The following FNIP2 variants were observed in gnomAD, a reference collection of about 807,000 sequenced individuals.
The protein encoded by FNIP2 is folliculin-interacting protein 2.
FNIP2 carries 32 observed loss-of-function variants against 108.7 expected under a neutral mutation model. The observed-to-expected ratio is 0.29, with a 90% confidence interval of 0.22 to 0.40. FNIP2 has a LOEUF of 0.40. Ranked by LOEUF, FNIP2 falls within the 10% of genes least tolerant of loss-of-function variation. FNIP2 has a pLI of 1.00. For synonymous variants in FNIP2, 480 were observed against 496.7 expected, an observed-to-expected ratio of 0.97 and a Z score of 0.45; for missense variants, 1,202 against 1,381.6, an observed-to-expected ratio of 0.87 and a Z score of 2.06.
Position 158,870,329 on chromosome 4 carries a change from A to G in FNIP2, c.2809A>G (p.Thr937Ala). 1 of 1,613,814 alleles carries G rather than the reference A, an allele frequency of 6.2e-7. No homozygotes were observed. The highest frequency in any genetic ancestry group is 8.5e-7 in the Non-Finnish European group (1 of 1,179,670). Residue 937 changes from threonine to alanine, a missense_variant, in exon 14 of 17, where the codon ACC becomes GCC. Thr to Ala is a moderately conservative substitution (Grantham distance 58). Coordinates refer to ENST00000264433, the MANE Select transcript of FNIP2 (RefSeq NM_020840.3). Reference protein sequence around the residue: ...LPLPRSQSISTQNVRNFGRSL... With the variant: ...LPLPRSQSISAQNVRNFGRSL... The stretch of plus-strand genomic sequence containing the variant: ...TTGTTTTAGGTCTCAGAGCATCAGC[A>G]CCCAGAATGTAAGGAACTTTGGCCG...
chr4:158,887,362 A>G (rs998782828), intron 14 of FNIP2, among the ~76,000 whole-genome samples: 5 of 152,214 alleles, frequency 3.3e-5, no homozygotes, highest in Non-Finnish European at 5.9e-5. Flanking sequence ...CTATTAAGGT[A>G]TGGCTAGTAA....
At chr4:158,867,558 T>C (rs971953643) in intron 12 of FNIP2, among the ~76,000 whole-genome samples, 1 of 152,246 alleles carries the variant, frequency 6.6e-6, no homozygotes, top group Admixed American at 6.5e-5. Flanking sequence ...GATTTTCTTC[T>C]TGTTAATCAA....
At chr4:158,798,630 A>T (rs1776666055) in intron 1 of FNIP2, among the ~76,000 whole-genome samples, 1 of 152,256 alleles carries the variant, frequency 6.6e-6, no homozygotes, top group South Asian at 2.1e-4. Context: ...CACATGAAAT[A>T]TTTGAAAAGA....
At chr4:158,813,972 A>G (rs1777426766) in intron 1 of FNIP2, among the ~76,000 whole-genome samples, 1 of 152,144 alleles carries the variant, frequency 6.6e-6, no homozygotes, top group Non-Finnish European at 1.5e-5. Context: ...TCTTTTGTCA[A>G]ATATTGATTT....
chr4:158,829,940 T>C (rs1383387657), intron 3 of FNIP2, among the ~76,000 whole-genome samples: 3 of 152,216 alleles, frequency 2.0e-5, no homozygotes, highest in Non-Finnish European at 4.4e-5. Context: ...TCTGGAGAAC[T>C]TTGTTTTTTC....
intron 16 of FNIP2, among the ~76,000 whole-genome samples, chr4:158,897,380 T>C (rs975674192): frequency 6.6e-6 from 1 of 152,236 alleles, no homozygotes; most frequent in Non-Finnish European, 1.5e-5. Context: ...CTGGGTCAGA[T>C]GGTATTTCTA....
chr4:158,863,466 C>G (rs1444988714), intron 12 of FNIP2, among the ~76,000 whole-genome samples: 4 of 152,136 alleles, frequency 2.6e-5, no homozygotes, highest in Non-Finnish European at 5.9e-5. Flanking sequence ...TGTGCGTTCC[C>G]CCTCCATGGC....
chr4:158,868,868 C>CT lies in FNIP2; in HGVS notation c.2233dup (p.Cys745LeufsTer9). On this transcript the variant is annotated frameshift_variant, in exon 13 of 17. Coordinates refer to ENST00000264433, the MANE Select transcript of FNIP2 (RefSeq NM_020840.3). LOFTEE classifies it high-confidence loss of function. The surrounding 1 kb of genome is among the most constrained non-coding windows in gnomAD (Gnocchi z 4.6). Reference sequence around the variant, plus strand: ...AAAAAATGGAGGAACGGGTGAAGGCCTGTGGCCCCTCCTTGGAGGCCAGTG... The same window carrying CT: ...AAAAAATGGAGGAACGGGTGAAGGCCTTGTGGCCCCTCCTTGGAGGCCAGTG... The CT allele has an allele frequency of 2.5e-6, 4 of 1,613,950 alleles. No homozygotes were observed. The highest frequency in any genetic ancestry group is 3.4e-6 in the Non-Finnish European group (4 of 1,179,876).
intron 14 of FNIP2, among the ~76,000 whole-genome samples, chr4:158,881,375 C>T (rs536991955): frequency 2.7e-4 from 38 of 138,562 alleles, no homozygotes; most frequent in Admixed American, 2.1e-3. Flanking sequence ...TCTCTTTCCA[C>T]GGTCTCCCTC....
At chr4:158,822,241 G>A (rs954307461) in intron 1 of FNIP2, among the ~76,000 whole-genome samples, 4 of 141,848 alleles carry the variant, frequency 2.8e-5, no homozygotes, top group African/African-American at 7.9e-5. Context: ...GCAGTGATGC[G>A]ATCTCAGCTC....
chr4:158,827,387 G>C (rs991209052), intron 2 of FNIP2, among the ~76,000 whole-genome samples: 1 of 152,200 alleles, frequency 6.6e-6, no homozygotes, highest in Non-Finnish European at 1.5e-5. Flanking sequence ...TTTTCAAAAG[G>C]AACTGGAATC....
chr4:158,805,260 T>C (rs1199544960), intron 1 of FNIP2, among the ~76,000 whole-genome samples: 1 of 152,204 alleles, frequency 6.6e-6, no homozygotes, highest in African/African-American at 2.4e-5. Context: ...AGGAAAAGAA[T>C]TGGGGCAATC....
rs114868808 is a variant in FNIP2, at chr4:158,838,020, T to A, written c.727+2544T>A. Among the ~76,000 whole-genome samples the A allele has an allele frequency of 7.0e-3, 1,066 of 152,316 alleles. 6 individuals carry two copies. The highest frequency in any genetic ancestry group is 0.011 in the Non-Finnish European group (742 of 68,026). On this transcript the variant is annotated intron_variant, in intron 7 of 16. Transcript: ENST00000264433. ...TGAGCTTCACACCTGTGGTGGCATT[T>A]AGCACTCTTTTAATGTAAGAACTCT...
chr4:158,901,286 C>A (rs561830717), intron 16 of FNIP2, among the ~76,000 whole-genome samples: 13 of 151,916 alleles, frequency 8.6e-5, no homozygotes, highest in African/African-American at 3.1e-4. Context: ...GCGTGTGCCA[C>A]GAAAATTCTT....
At chr4:158,881,805 C>T (rs1781655796) in intron 14 of FNIP2, among the ~76,000 whole-genome samples, 2 of 152,346 alleles carry the variant, frequency 1.3e-5, no homozygotes, top group South Asian at 4.1e-4. Flanking sequence ...TCGCTACAAC[C>T]TCCACCTCCC....
chr4:158,889,805 C>CTTT, intron 14 of FNIP2: 3 of 891,234 alleles, frequency 3.4e-6, no homozygotes, highest in African/African-American at 1.9e-5. Flanking sequence ...TTCAAATTTC[C>CTTT]TTTTTTTTTT....
chr4:158,881,572 T>C (rs1781634364), intron 14 of FNIP2, among the ~76,000 whole-genome samples: 1 of 152,336 alleles, frequency 6.6e-6, no homozygotes, highest in East Asian at 1.9e-4. Flanking sequence ...TGCCTCAGCC[T>C]GCCAAGTGCC....
At position 158,825,585 on chromosome 4, in the gene FNIP2, T is replaced by C. The variant is rs114312769; in HGVS notation, c.108-331T>C. Among the ~76,000 whole-genome samples, 420 of 152,336 alleles carry C rather than the reference T, an allele frequency of 2.8e-3. 3 individuals are homozygous for C. Among genetic ancestry groups the C allele is most frequent in the African/African-American group, 9.6e-3 (399 of 41,582 alleles). ...CCAGAACCCAGGCATCCAAATTTAG[T>C]CTTCTCTGCATGTCCTTGTGATTTC... On this transcript the variant is annotated intron_variant, in intron 1 of 16. Transcript: ENST00000264433.
At chr4:158,899,110 T>A (rs1428226225) in intron 16 of FNIP2, among the ~76,000 whole-genome samples, 1 of 152,238 alleles carries the variant, frequency 6.6e-6, no homozygotes, top group Non-Finnish European at 1.5e-5. Flanking sequence ...GATAATCATC[T>A]GGTTTTTGTC....
Sources: allele counts gnomAD v4.1 joint callset (sites outside exome capture counted in the v4.1 genomes callset), GRCh38; gene constraint gnomAD v4.1.1; non-coding constraint Gnocchi (gnomAD v3.1); transcripts MANE v1.5; gene names NCBI Gene and HGNC (gene_info 2026-07-23, HGNC 2026-07-21).